ANK1: variants seen among roughly 807,000 people sequenced by gnomAD.
ANK1 encodes the protein ankyrin 1.
ANK1 carries 51 observed loss-of-function variants against 210.4 expected under a neutral mutation model. That is an observed-to-expected ratio of 0.24 (90% CI 0.19 to 0.31). ANK1 has a LOEUF of 0.31. ANK1 is among the 10% of genes least tolerant of loss of function. ANK1 has a pLI of 1.00. For missense variants in ANK1, 2,051 were observed against 2,504.4 expected (o/e 0.82, Z 3.86); for synonymous variants, 967 against 1,025.9 (o/e 0.94, Z 1.10).
chr8:41,854,786 A>C (rs1009051485), intron 1 of ANK1, among the ~76,000 whole-genome samples: 1 of 152,066 alleles, frequency 6.6e-6, no homozygotes, highest in African/African-American at 2.4e-5. Context: ...ACAAGAAAAA[A>C]ATTGTTTTTT....
At chr8:41,824,363 A>G (rs1804990577) in intron 1 of ANK1, among the ~76,000 whole-genome samples, 1 of 152,206 alleles carries the variant, frequency 6.6e-6, no homozygotes, top group African/African-American at 2.4e-5. Flanking sequence ...AGCACCTACT[A>G]TGTTTGTTGT....
chr8:41,776,272 A>T (rs567894317), intron 1 of ANK1, among the ~76,000 whole-genome samples: 1 of 152,308 alleles, frequency 6.6e-6, no homozygotes, highest in South Asian at 2.1e-4. Flanking sequence ...TATTCAGAAA[A>T]AATGCCAGCC....
intron 1 of ANK1, among the ~76,000 whole-genome samples, chr8:41,821,474 G>A (rs16890845): frequency 0.023 from 3,467 of 152,192 alleles, 125 homozygotes; most frequent in African/African-American, 0.075. Context: ...TCATTCAACC[G>A]TAGGGCTTTA....
chr8:41,846,803 ACCCTGC>A, intron 1 of ANK1, among the ~76,000 whole-genome samples: 1 of 151,792 alleles, frequency 6.6e-6, no homozygotes, highest in South Asian at 2.1e-4. Flanking sequence ...ACACCCTCCC[ACCCTGC>A]TCTGCAGATG....
chr8:41,828,841 G>C (rs1204333410), intron 1 of ANK1: 1 of 152,272 alleles, frequency 6.6e-6, no homozygotes, highest in Non-Finnish European at 1.5e-5. Flanking sequence ...GGCCTGGGAG[G>C]CTGCGCCTTC....
chr8:41,809,487 C>A (rs1364941908), intron 1 of ANK1, among the ~76,000 whole-genome samples: 1 of 152,124 alleles, frequency 6.6e-6, no homozygotes, highest in Non-Finnish European at 1.5e-5. Flanking sequence ...GAAATTGGGG[C>A]TGGGCATGGT....
At chr8:41,663,250 G>A (rs978373736) in intron 40 of ANK1, among the ~76,000 whole-genome samples, 2 of 152,110 alleles carry the variant, frequency 1.3e-5, no homozygotes, top group African/African-American at 4.8e-5. Context: ...CTCCCAAAGT[G>A]CTGGGATCAC....
intron 31 of ANK1, 63 bp downstream of exon 31, chr8:41,692,585 G>T: frequency 1.3e-6 from 2 of 1,506,468 alleles, no homozygotes; most frequent in Non-Finnish European, 1.8e-6. Context: ...CCTGGTAATG[G>T]TGTTCTGGAG....
chr8:41,874,934 C>T (rs554183910), intron 1 of ANK1, among the ~76,000 whole-genome samples: 10 of 152,336 alleles, frequency 6.6e-5, no homozygotes, highest in African/African-American at 1.9e-4. Flanking sequence ...TATAACCCCA[C>T]GGTCTGACTA....
At chr8:41,713,963 C>T (rs1826885598) in intron 16 of ANK1, among the ~76,000 whole-genome samples, 193 bp downstream of exon 16, 1 of 152,224 alleles carries the variant, frequency 6.6e-6, no homozygotes, top group South Asian at 2.1e-4. Context: ...CACTTCCCAT[C>T]CCACTCCTGG....
At chr8:41,896,428 G>T in exon 1 of ANK1, 2 of 1,605,426 alleles carry the variant, frequency 1.2e-6, no homozygotes, top group East Asian at 4.5e-5. Context: ...CTCCTGGAGG[G>T]CCTGCGCCTC....
At position 41,767,151 on chromosome 8, in the gene ANK1, C is replaced by T. The variant is rs572260811; in HGVS notation, c.28-9014G>A. On this transcript the variant is annotated intron_variant, in intron 1 of 42. Coordinates refer to ENST00000289734, the MANE Select transcript of ANK1 (RefSeq NM_000037.4). ...AGGCCAGAGGAATTTTCCTCTGGAT[C>T]CTGCTAGAAGCCTCGGCAGCAGAAG... Among the ~76,000 whole-genome samples the T allele has an allele frequency of 1.8e-4, 28 of 152,242 alleles. No individual in the cohort carries two copies. In the South Asian group the frequency reaches 5.8e-3, roughly 32 times the overall value.
At chr8:41,799,636 G>T (rs1043431030), upstream of ANK1, among the ~76,000 whole-genome samples, 5 of 152,140 alleles carry the variant, frequency 3.3e-5, no homozygotes, top group Non-Finnish European at 5.9e-5. Flanking sequence ...CAGTGCTTCC[G>T]GTGGGCAACA....
chr8:41,674,650 T>G (rs749664211), intron 37 of ANK1, among the ~76,000 whole-genome samples: 1 of 152,214 alleles, frequency 6.6e-6, no homozygotes. Flanking sequence ...GTGTTCAACG[T>G]GCCCGGAGCC....
In ANK1 at chr8:41,717,632, C is replaced by G. The variant is rs776721065; in HGVS notation, c.1277G>C (p.Arg426Pro). The change falls in exon 12 of 43, where the codon CGG becomes CCG. Residue 426 changes from arginine (R) to proline (P), a missense_variant. Coordinates refer to ENST00000289734, the MANE Select transcript of ANK1 (RefSeq NM_000037.4). ...HLPIVKNLLQ[R>P]GASPNVSNVK... The stretch of plus-strand genomic sequence containing the variant: ...GTTGGAGACGTTGGGCGACGCCCCC[C>G]GCTGCAGGAGGTTCTTCACGATGGG... 1 of 1,551,508 alleles carries G rather than the reference C, an allele frequency of 6.4e-7. No individual in the cohort carries two copies. Among genetic ancestry groups the G allele is most frequent in the African/African-American group, 1.4e-5 (1 of 73,060 alleles).
chr8:41,756,316 T>A (rs551154664), intron 2 of ANK1, among the ~76,000 whole-genome samples: 1 of 150,722 alleles, frequency 6.6e-6, no homozygotes, highest in Non-Finnish European at 1.5e-5. Context: ...CGGCTAATTT[T>A]AGTATTTTTA....
chr8:41,744,459 A>T (rs1423036087), intron 2 of ANK1, among the ~76,000 whole-genome samples: 1 of 152,160 alleles, frequency 6.6e-6, no homozygotes, highest in East Asian at 1.9e-4. Context: ...TATAGTAGAA[A>T]AACGTGGCTG....
intron 31 of ANK1, among the ~76,000 whole-genome samples, chr8:41,691,204 C>A (rs781630337): frequency 5.5e-4 from 84 of 152,186 alleles, no homozygotes; most frequent in Non-Finnish European, 2.8e-4. Context: ...CCAGCCTGGG[C>A]AACAGACTGA....
intron 1 of ANK1, among the ~76,000 whole-genome samples, chr8:41,894,388 A>G (rs1820037040): frequency 1.3e-5 from 2 of 152,214 alleles, no homozygotes; most frequent in Non-Finnish European, 2.9e-5. Context: ...TCTACCACCA[A>G]AAGAAAAAAA....
Sources: gnomAD v4.1 joint callset for allele counts (sites outside exome capture counted in the v4.1 genomes callset) on GRCh38, gnomAD v4.1.1 for gene constraint, MANE v1.5 for transcripts, NCBI Gene and HGNC (gene_info 2026-07-23, HGNC 2026-07-21) for gene names.